The following CACUL1 variants were observed in gnomAD, a reference collection of about 807,000 sequenced individuals.
CACUL1 encodes CDK2-associated and cullin domain-containing protein 1.
CACUL1 carries 13 observed loss-of-function variants against 45.2 expected under a neutral mutation model. The observed-to-expected ratio is 0.29, with a 90% CI of 0.19 to 0.46. CACUL1 has a LOEUF of 0.46. CACUL1 is among the 20% of genes least tolerant of loss of function. CACUL1 has a pLI of 1.00. For missense variants in CACUL1, 421 were observed against 471.4 expected (o/e 0.89, Z 0.99); for synonymous variants, 197 against 174.2 (o/e 1.13, Z -1.03).
intron 3 of CACUL1, among the ~76,000 whole-genome samples, chr10:118,718,833 A>G (rs1023601724): frequency 1.3e-5 from 2 of 152,214 alleles, no homozygotes; most frequent in African/African-American, 4.8e-5. Context: ...TCGGCCTCCC[A>G]AAGTGCTGGG....
In CACUL1 at chr10:118,676,976, A is replaced by G. The variant is rs1208313930; in HGVS notation, c.*9152T>C. The stretch of plus-strand genomic sequence containing the variant: ...GAAAAAACTTCTCCAATCCCAAGAA[A>G]AAATACTACTTTCTAGTTTTTACAA... On this transcript the variant is annotated 3_prime_UTR_variant, in exon 9 of 9. Transcript: ENST00000369151. 3.9e-5 allele frequency: 6 copies of G among 152,278 alleles called. No homozygotes were observed. The highest frequency in any genetic ancestry group is 7.4e-5 in the Non-Finnish European group (5 of 68,026). 9.4% of individuals were successfully genotyped at this position (152,278 alleles called of 1,614,324 possible).
chr10:118,695,379 A>G, intron 5 of CACUL1, 149 bp from the exon 6 acceptor site: 1 of 557,288 alleles, frequency 1.8e-6, no homozygotes, highest in Non-Finnish European at 3.3e-6. Flanking sequence ...TATACTAAGG[A>G]TTTTATTTTT....
intron 1 of CACUL1, among the ~76,000 whole-genome samples, chr10:118,752,337 G>A (rs1238514991): frequency 6.6e-6 from 1 of 151,954 alleles, no homozygotes; most frequent in East Asian, 1.9e-4. Flanking sequence ...TGTACTCCTA[G>A]GTTACCAAGA....
intron 8 of CACUL1, 67 bp downstream of exon 8, chr10:118,686,531 A>G (rs1386907270): frequency 4.3e-6 from 5 of 1,174,328 alleles, no homozygotes; most frequent in Non-Finnish European, 6.4e-6. Context: ...CACTGTTATC[A>G]CAGTGCATTA....
intron 1 of CACUL1, among the ~76,000 whole-genome samples, chr10:118,738,191 T>G (rs1042555930): frequency 6.6e-6 from 1 of 152,140 alleles, no homozygotes. Flanking sequence ...GACATAATAC[T>G]ATGAACAGGC....
chr10:118,681,866 T>A lies in CACUL1; in HGVS notation c.*4262A>T, dbSNP rs1167344444. 1 of 152,218 alleles carries A rather than the reference T, an allele frequency of 6.6e-6. No homozygotes were observed. Among genetic ancestry groups the A allele is most frequent in the Non-Finnish European group, 1.5e-5 (1 of 68,046 alleles). The allele number at this position is 152,218 out of a possible 1,614,324, so 9.4% of individuals were successfully genotyped here. A position where few individuals can be genotyped will look rare whatever the true frequency, so the allele number is the denominator to read the frequency against. On this transcript the variant is annotated 3_prime_UTR_variant, in exon 9 of 9. Transcript: ENST00000369151. ...AATCAACAGTGGGGACAGAGAGGAATGATTTCCCTTGGAAAACAACAGGGT... is the reference window on the plus strand; with the variant it reads ...AATCAACAGTGGGGACAGAGAGGAAAGATTTCCCTTGGAAAACAACAGGGT...
chr10:118,734,787 C>T (rs1845725955), intron 1 of CACUL1, among the ~76,000 whole-genome samples: 1 of 152,210 alleles, frequency 6.6e-6, no homozygotes, highest in Non-Finnish European at 1.5e-5. Context: ...TAAGCTCACA[C>T]AGTCTAAATC....
intron 1 of CACUL1, among the ~76,000 whole-genome samples, chr10:118,740,700 G>A (rs1845783592): frequency 6.6e-6 from 1 of 152,118 alleles, no homozygotes; most frequent in Non-Finnish European, 1.5e-5. Context: ...GCTGAGGCGG[G>A]CAGATCATGA....
chr10:118,706,625 G>T (rs10787855), intron 4 of CACUL1, among the ~76,000 whole-genome samples: 21 of 152,158 alleles, frequency 1.4e-4, no homozygotes, highest in Admixed American at 3.9e-4. Flanking sequence ...AAAAGAAAAG[G>T]CTTTTTATAC....
In CACUL1 at chr10:118,681,055, A is replaced by T. The variant is rs1179985798; in HGVS notation, c.*5073T>A. The T allele has an allele frequency of 6.6e-6, 1 of 152,226 alleles. No individual in the cohort carries two copies. The highest frequency in any genetic ancestry group is 1.5e-5 in the Non-Finnish European group (1 of 68,036). The allele number at this position is 152,226 out of a possible 1,614,324, so 9.4% of individuals were successfully genotyped here. On this transcript the variant is annotated 3_prime_UTR_variant, in exon 9 of 9. Coordinates refer to ENST00000369151, the MANE Select transcript of CACUL1 (RefSeq NM_153810.5). ...AGTGAAAGTATATGCCCTAATACAGAAGGAGTGATTCAGAACCCACCAAAA... is the reference window on the plus strand; with the variant it reads ...AGTGAAAGTATATGCCCTAATACAGTAGGAGTGATTCAGAACCCACCAAAA...
intron 5 of CACUL1, among the ~76,000 whole-genome samples, chr10:118,697,847 A>G (rs1564829485): frequency 6.6e-6 from 1 of 152,254 alleles, no homozygotes; most frequent in Non-Finnish European, 1.5e-5. Context: ...ACATTTGCTC[A>G]GAATCACCAA....
rs897539621 is a variant in CACUL1, at chr10:118,676,424, G to A, written c.*9704C>T. Reference sequence around the variant, plus strand: ...AAAACAAGTTACTGACATTGGAAAAGATGAAAATTTATTATAAAAATTTCA... The same window carrying A: ...AAAACAAGTTACTGACATTGGAAAAAATGAAAATTTATTATAAAAATTTCA... On this transcript the variant is annotated 3_prime_UTR_variant, in exon 9 of 9. Coordinates refer to ENST00000369151, the MANE Select transcript of CACUL1 (RefSeq NM_153810.5). 5 of 152,186 alleles carry A rather than the reference G, an allele frequency of 3.3e-5. No individual in the cohort carries two copies. The highest frequency in any genetic ancestry group is 1.2e-4 in the African/African-American group (5 of 41,460). The allele number at this position is 152,186 out of a possible 1,614,324, so 9.4% of individuals were successfully genotyped here. A position where few individuals can be genotyped will look rare whatever the true frequency, so the allele number is the denominator to read the frequency against.
At chr10:118,735,734 C>T (rs1845734464) in intron 1 of CACUL1, among the ~76,000 whole-genome samples, 1 of 152,104 alleles carries the variant, frequency 6.6e-6, no homozygotes, top group Admixed American at 6.6e-5. Flanking sequence ...ACCAAAGATT[C>T]ACTAAAATTC....
rs752143189 is a variant in CACUL1 at position 118,684,768 on chromosome 10, A to C, written c.*1360T>G. ...GCAGACATGCGACAGCATCCCTGGG[A>C]TGTTTCTTTTCCCCTCAAGTTCTCT... On this transcript the variant is annotated 3_prime_UTR_variant, in exon 9 of 9. Coordinates refer to ENST00000369151, the MANE Select transcript of CACUL1 (RefSeq NM_153810.5). 2 of 152,198 alleles carry C rather than the reference A, an allele frequency of 1.3e-5. No individual in the cohort carries two copies. The highest frequency in any genetic ancestry group is 2.9e-5 in the Non-Finnish European group (2 of 68,036). The allele number at this position is 152,198 out of a possible 1,614,324, so 9.4% of individuals were successfully genotyped here. A position where few individuals can be genotyped will look rare whatever the true frequency, so the allele number is the denominator to read the frequency against.
chr10:118,726,065 T>C (rs1312014313), intron 3 of CACUL1, among the ~76,000 whole-genome samples: 1 of 152,120 alleles, frequency 6.6e-6, no homozygotes, highest in Admixed American at 6.6e-5. Flanking sequence ...ATGCAACTCC[T>C]CCCACGCTCT....
At chr10:118,711,124 A>T (rs961994001) in intron 3 of CACUL1, among the ~76,000 whole-genome samples, 6 of 152,212 alleles carry the variant, frequency 3.9e-5, no homozygotes, top group African/African-American at 1.4e-4. Context: ...CTGTCACCCA[A>T]GCTGCAGTGC....
In CACUL1 at chr10:118,754,603, C is replaced by G. The variant is rs762790331; in HGVS notation, c.160G>C (p.Gly54Arg). ...GCGGGCACCGCCAGCAGCTGCCCCC[C>G]CGGAGGCTCTCGGGCAGGGGCCGGG... ...SIPAPAREPP[G>R]GQLLAVPAVS... Residue 54 changes from glycine to arginine, a missense_variant, in exon 1 of 9, where the codon GGG (glycine) becomes CGG (arginine). Physicochemically the swap from Gly to Arg is moderately radical, Grantham distance 125. This residue lies in a region of CACUL1 where 213 missense variants were observed against 173.1 expected (regional missense o/e 1.23). Transcript: ENST00000369151. 7 of 1,608,804 alleles carry G rather than the reference C, an allele frequency of 4.4e-6. No homozygotes were observed. In the Admixed American group the frequency reaches 1.2e-4, roughly 27 times the overall value.
intron 3 of CACUL1, among the ~76,000 whole-genome samples, chr10:118,708,802 G>C (rs1845457429): frequency 6.6e-6 from 1 of 152,158 alleles, no homozygotes; most frequent in African/African-American, 2.4e-5. Flanking sequence ...TTACAAGCCA[G>C]AAAGAGGGCC....
intron 1 of CACUL1, among the ~76,000 whole-genome samples, chr10:118,739,949 A>G (rs1490105207): frequency 2.0e-5 from 3 of 152,200 alleles, no homozygotes; most frequent in Non-Finnish European, 4.4e-5. Flanking sequence ...GTTAGAGACC[A>G]GCCTGGCCAA....
Sources: gnomAD v4.1 joint callset for allele counts (sites outside exome capture counted in the v4.1 genomes callset) on GRCh38, gnomAD v4.1.1 for gene constraint, gnomAD v4.1.1 regional missense constraint, MANE v1.5 for transcripts, NCBI Gene and HGNC (gene_info 2026-07-23, HGNC 2026-07-21) for gene names.